Variants in INPP5K observed in about 807,000 individuals in gnomAD.
INPP5K encodes inositol polyphosphate 5-phosphatase K.
INPP5K carries 35 observed loss-of-function variants against 53.5 expected under a neutral mutation model. The ratio of observed to expected loss-of-function variants is 0.65; its 90% CI spans 0.50 to 0.87. The LOEUF (loss-of-function observed/expected upper bound fraction) is 0.87. Among genes scored for constraint, INPP5K ranks in the 40% least tolerant of loss-of-function variants. The pLI is 0.00. For synonymous variants in INPP5K, 253 were observed against 232.8 expected (o/e 1.09, Z -0.79); for missense variants, 550 against 586.2 (o/e 0.94, Z 0.64).
chr17:1,499,030 C>T (rs939992753), intron 7 of INPP5K, among the ~76,000 whole-genome samples: 1 of 152,218 alleles, frequency 6.6e-6, no homozygotes, highest in Admixed American at 6.5e-5. Context: ...AGCATGTGCT[C>T]TTAACCACCA....
At position 1,496,738 on chromosome 17, in the gene INPP5K, A is replaced by G; in HGVS notation, c.1029T>C (p.Asn343=). Residue 343 remains asparagine, a synonymous_variant, in exon 9 of 12, where the codon AAT becomes AAC. Transcript: ENST00000421807. The stretch of plus-strand genomic sequence containing the variant: ...TTGAAGAGTAGCTGACCATCATGTC[A>G]TTTTCCACGGTCCACAGGTCCTCGG... ...LMPEDLWTVE[N]DMMVSYSSTS... is the part of the protein sequence containing the mutation. 1 of 1,614,098 alleles carries G rather than the reference A, an allele frequency of 6.2e-7. No individual in the cohort carries two copies. The highest frequency in any genetic ancestry group is 1.1e-5 in the South Asian group (1 of 91,080).
chr17:1,515,011 G>T (rs2075400388), intron 1 of INPP5K, among the ~76,000 whole-genome samples: 1 of 150,810 alleles, frequency 6.6e-6, no homozygotes, highest in African/African-American at 2.4e-5. Context: ...GGTTCCAGCA[G>T]TTCTCCTGCC....
Position 1,496,797 on chromosome 17 carries a change from G to C in INPP5K, c.970C>G (p.Pro324Ala), listed in dbSNP as rs753082758. The C allele has an allele frequency of 1.2e-6, 2 of 1,613,930 alleles. No homozygotes were observed. Among genetic ancestry groups the C allele is most frequent in the Non-Finnish European group, 1.7e-6 (2 of 1,179,998 alleles). ...VSGTFDLELK[P>A]LVSAPLIVLM... ...ACGATCAGCGGAGCAGACACCAATG[G>C]CTTCAGCTAGACACGGGGGTGGGAA... The change falls in exon 9 of 12, where the codon CCA becomes GCA. Residue 324 changes from proline (P) to alanine (A), a missense_variant. Transcript: ENST00000421807.
chr17:1,500,654 G>A (rs546508680), intron 7 of INPP5K, among the ~76,000 whole-genome samples: 5 of 152,228 alleles, frequency 3.3e-5, no homozygotes, highest in African/African-American at 9.6e-5. Flanking sequence ...GTGAGCCACC[G>A]CGCCCGGCCA....
rs767344347 is a variant in INPP5K, at chr17:1,496,362, C to A, written c.1142G>T (p.Trp381Leu). ...RDVNDYVSYA[W>L]VGDSKVSCSD... ...GCAGGAGACCTTGCTGTCCCCGACC[C>A]AGGCATAGGACACGTAGTCATTAAC... The change falls in exon 10 of 12, where the codon TGG becomes TTG. Residue 381 changes from tryptophan (W) to leucine (L), a missense_variant. Physicochemically the swap from Trp to Leu is moderately conservative, Grantham distance 61 (BLOSUM62 -2). Coordinates refer to ENST00000421807, the MANE Select transcript of INPP5K (RefSeq NM_016532.4). The A allele has an allele frequency of 2.6e-6, 4 of 1,564,894 alleles. No homozygotes were observed. The highest frequency in any genetic ancestry group is 4.7e-5 in the East Asian group (2 of 42,382).
rs1056714222 is a variant in INPP5K, at chr17:1,498,141, T to C, written c.777-19A>G. The C allele has an allele frequency of 6.4e-7, 1 of 1,573,168 alleles. No homozygotes were observed. The highest frequency in any genetic ancestry group is 1.1e-5 in the South Asian group (1 of 88,810). On this transcript the variant is annotated intron_variant, in intron 7 of 11. Coordinates refer to ENST00000421807, the MANE Select transcript of INPP5K (RefSeq NM_016532.4). ...TTTCTCACTGCAGGGGCAGGGGGCA[T>C]AAAGAGGAAGAATGGGGAAAGAAGA...
intron 7 of INPP5K, 180 bp from the exon 8 acceptor site, chr17:1,498,302 A>C: frequency 3.9e-6 from 2 of 507,354 alleles, no homozygotes; most frequent in Non-Finnish European, 7.0e-6. Context: ...GCCTAACAGA[A>C]TCCAAAGTAT....
chr17:1,515,585 T>A, intron 1 of INPP5K: 1 of 985,620 alleles, frequency 1.0e-6, no homozygotes, highest in Non-Finnish European at 1.2e-6. Context: ...CAGCTGGAGA[T>A]CTGGAATGGC....
intron 9 of INPP5K, 109 bp downstream of exon 9, chr17:1,496,557 G>A (rs1198634987): frequency 1.4e-6 from 2 of 1,463,480 alleles, no homozygotes; most frequent in Admixed American, 1.7e-5. Flanking sequence ...AAGAACCGCT[G>A]GGGTGGATGA....
At chr17:1,512,296 G>A (rs572561215) in intron 3 of INPP5K, among the ~76,000 whole-genome samples, 3 of 152,236 alleles carry the variant, frequency 2.0e-5, no homozygotes, top group South Asian at 2.1e-4. Context: ...AGGGAGTGGC[G>A]GGTGAGAGAG....
intron 7 of INPP5K, among the ~76,000 whole-genome samples, chr17:1,500,288 T>C (rs550620858): frequency 2.6e-5 from 4 of 152,266 alleles, no homozygotes; most frequent in Non-Finnish European, 5.9e-5. Context: ...TTTGCAGTAT[T>C]TGCTGCCTGG....
chr17:1,509,478 G>A (rs912444769), intron 4 of INPP5K, 125 bp from the exon 5 acceptor site: 2 of 994,482 alleles, frequency 2.0e-6, no homozygotes, highest in Admixed American at 2.3e-5. Context: ...CAGTAACTAA[G>A]CTTCCCAGGG....
chr17:1,501,482 C>T (rs1304424032), intron 7 of INPP5K, among the ~76,000 whole-genome samples: 4 of 152,132 alleles, frequency 2.6e-5, no homozygotes, highest in East Asian at 1.9e-4. Context: ...GCTGTTAAGA[C>T]GGGGTGATAA....
rs143319506 is a variant in INPP5K at position 1,498,262 on chromosome 17, C to T, written c.777-140G>A. On this transcript the variant is annotated intron_variant, in intron 7 of 11. Coordinates refer to ENST00000421807, the MANE Select transcript of INPP5K (RefSeq NM_016532.4). ...AGCCACAGACCCCCGGGGCCAGAGC[C>T]GGAGGGAGCAAGGCAGCAGGCAGGA... 8.3e-5 allele frequency: 56 copies of T among 675,424 alleles called. No homozygotes were observed. The East Asian group carries it at 1.3e-3, about 16-fold the overall frequency. The allele number at this position is 675,424 out of a possible 1,614,324, so 41.8% of individuals were successfully genotyped here.
chr17:1,500,235 C>A (rs1199187582), intron 7 of INPP5K, among the ~76,000 whole-genome samples: 1 of 152,262 alleles, frequency 6.6e-6, no homozygotes, highest in African/African-American at 2.4e-5. Flanking sequence ...TTCCCCAGAC[C>A]CACTCCACCT....
chr17:1,496,202 G>A lies in INPP5K; in HGVS notation c.1186-38C>T, dbSNP rs1209353130. ...GGACAGGACTGGGGTCAGCTCCAGGGCTCTGGGCTCCACCCAGCTCTGAGT... is the reference window on the plus strand; with the variant it reads ...GGACAGGACTGGGGTCAGCTCCAGGACTCTGGGCTCCACCCAGCTCTGAGT... On this transcript the variant is annotated intron_variant, in intron 10 of 11. Transcript: ENST00000421807. 4.6e-6 allele frequency: 7 copies of A among 1,524,534 alleles called. No homozygotes were observed. The South Asian group carries it at 6.8e-5, about 15-fold the overall frequency. The allele number at this position is 1,524,534 out of a possible 1,614,324, so 94.4% of individuals were successfully genotyped here. A position where few individuals can be genotyped will look rare whatever the true frequency, so the allele number is the denominator to read the frequency against.
chr17:1,507,379 G>A, intron 6 of INPP5K: 1 of 382,636 alleles, frequency 2.6e-6, no homozygotes. Flanking sequence ...GAGATCACTA[G>A]CAGACATGTG....
chr17:1,494,590 A>G lies in INPP5K; in HGVS notation c.*1233T>C, dbSNP rs2074777767. The G allele has an allele frequency of 6.6e-6, 1 of 152,154 alleles. No individual in the cohort carries two copies. 9.4% of individuals were successfully genotyped at this position (152,154 alleles called of 1,614,324 possible). A position where few individuals can be genotyped will look rare whatever the true frequency, so the allele number is the denominator to read the frequency against. ...CACACGCAAGTGTAAAAGCCACGCT[A>G]ATAATTACCCCTGCACAATGTAACA... On this transcript the variant is annotated 3_prime_UTR_variant, in exon 12 of 12. Coordinates refer to ENST00000421807, the MANE Select transcript of INPP5K (RefSeq NM_016532.4).
At chr17:1,498,158 G>T (rs2074911877) in intron 7 of INPP5K, 36 bp from the exon 8 acceptor site, 10 of 1,540,944 alleles carry the variant, frequency 6.5e-6, no homozygotes, top group African/African-American at 1.4e-5. Context: ...GAAGAATGGG[G>T]AAAGAAGAAA....
Sources: gnomAD v4.1 joint callset for allele counts (sites outside exome capture counted in the v4.1 genomes callset) on GRCh38, gnomAD v4.1.1 for gene constraint, MANE v1.5 for transcripts, NCBI Gene and HGNC (gene_info 2026-07-23, HGNC 2026-07-21) for gene names.